DDX60: variants seen among roughly 807,000 people sequenced by gnomAD.
DDX60 encodes DExD/H-box helicase 60.
A neutral mutation model predicts 212.8 loss-of-function variants in DDX60; 165 were observed. The ratio of observed to expected loss-of-function variants is 0.78; its 90% CI spans 0.68 to 0.88. The LOEUF (loss-of-function observed/expected upper bound fraction) is 0.88. Ranked by LOEUF, DDX60 falls within the 40% of genes least tolerant of loss-of-function variation. The probability of loss-of-function intolerance (pLI) is 0.00; values close to 1 mark genes in which losing one functional copy is unlikely to be tolerated. For missense variants in DDX60, 1,905 were observed against 2,003.9 expected, an observed-to-expected ratio of 0.95 and a Z score of 0.94; for synonymous variants, 703 against 685.3, an observed-to-expected ratio of 1.03 and a Z score of -0.40.
At chr4:168,239,159 C>G (rs1733745747) in intron 30 of DDX60, among the ~76,000 whole-genome samples, 1 of 152,078 alleles carries the variant, frequency 6.6e-6, no homozygotes, top group South Asian at 2.1e-4. Flanking sequence ...ATCAGAAAAT[C>G]AGACAAACAA....
At chr4:168,238,674 T>G (rs1733729509) in intron 30 of DDX60, among the ~76,000 whole-genome samples, 1 of 152,022 alleles carries the variant, frequency 6.6e-6, no homozygotes, top group Admixed American at 6.6e-5. Context: ...ATGGCAATAG[T>G]CAGAAAACAG....
At chr4:168,246,673 T>C (rs1734034901) in intron 29 of DDX60, 55 bp from the exon 30 acceptor site, 2 of 1,574,278 alleles carry the variant, frequency 1.3e-6, no homozygotes, top group Non-Finnish European at 1.7e-6. Context: ...TCTACTGCCA[T>C]AGTGTAAGAA....
chr4:168,284,393 G>T (rs117950706), intron 12 of DDX60, among the ~76,000 whole-genome samples: 1 of 152,170 alleles, frequency 6.6e-6, no homozygotes, highest in African/African-American at 2.4e-5. Flanking sequence ...TTGATCCACT[G>T]TTAGTGGTTT....
At chr4:168,325,192 T>C in the DDX60 span, among the ~76,000 whole-genome samples, 21 of 152,364 alleles carry the variant, frequency 1.4e-4, no homozygotes, top group Non-Finnish European at 2.5e-4. Flanking sequence ...TGTTACCCAC[T>C]GTTACCATAT....
At position 168,250,918 on chromosome 4, in the gene DDX60, C is replaced by T. The variant is rs184336071; in HGVS notation, c.3858+36G>A. The T allele has an allele frequency of 7.3e-6, 11 of 1,503,850 alleles. No individual in the cohort carries two copies. The East Asian group carries it at 1.6e-4, about 22-fold the overall frequency. The allele number at this position is 1,503,850 out of a possible 1,614,324, so 93.2% of individuals were successfully genotyped here. On this transcript the variant is annotated intron_variant, in intron 28 of 37. Transcript: ENST00000393743. ...CTGAACATTCAGCTTGAAACAGTCA[C>T]AATTTCAATTTTTAGAATGAAGAAA...
At chr4:168,287,779 T>C (rs1735924609) in intron 9 of DDX60, among the ~76,000 whole-genome samples, 1 of 152,020 alleles carries the variant, frequency 6.6e-6, no homozygotes. Flanking sequence ...AAATTACATA[T>C]AAAAATATAT....
intron 14 of DDX60, among the ~76,000 whole-genome samples, chr4:168,277,910 A>G (rs1735420278): frequency 6.6e-6 from 1 of 151,954 alleles, no homozygotes; most frequent in Admixed American, 6.6e-5. Flanking sequence ...GAAATCTCGC[A>G]CCATCTCACT....
At position 168,216,801 on chromosome 4, in the gene DDX60, G is replaced by C; in HGVS notation, c.*132C>G. On this transcript the variant is annotated 3_prime_UTR_variant, in exon 38 of 38. Coordinates refer to ENST00000393743, the MANE Select transcript of DDX60 (RefSeq NM_017631.6). Reference sequence around the variant, plus strand: ...AACTCTGTTTGATTCCAAAGTGTTTGCTCTTTCCACTTCATCGTAATGTAT... The same window carrying C: ...AACTCTGTTTGATTCCAAAGTGTTTCCTCTTTCCACTTCATCGTAATGTAT... 1 of 572,832 alleles carries C rather than the reference G, an allele frequency of 1.7e-6. No homozygotes were observed. Among genetic ancestry groups the C allele is most frequent in the East Asian group, 3.3e-5 (1 of 30,576 alleles). The allele number at this position is 572,832 out of a possible 1,614,324, so 35.5% of individuals were successfully genotyped here. A position where few individuals can be genotyped will look rare whatever the true frequency, so the allele number is the denominator to read the frequency against.
chr4:168,253,408 A>G (rs1270360873), intron 26 of DDX60, among the ~76,000 whole-genome samples: 1 of 152,094 alleles, frequency 6.6e-6, no homozygotes, highest in Non-Finnish European at 1.5e-5. Context: ...TGGATGCTAC[A>G]GCTGCTTTGA....
intron 10 of DDX60, among the ~76,000 whole-genome samples, chr4:168,286,049 GAAAA>G (rs1735832028): frequency 1.6e-5 from 2 of 123,096 alleles, no homozygotes; most frequent in South Asian, 3.0e-4. Context: ...AAAGAAAAAA[GAAAA>G]AGAAAGAAAG....
At chr4:168,286,948 C>A in intron 10 of DDX60, 100 bp downstream of exon 10, 3 of 858,288 alleles carry the variant, frequency 3.5e-6, no homozygotes, top group South Asian at 2.4e-5. Context: ...ATTCAAGTGC[C>A]AGAAAATTAT....
chr4:168,311,978 CAGAA>C (rs1243537747), intron 1 of DDX60, among the ~76,000 whole-genome samples: 1 of 152,062 alleles, frequency 6.6e-6, no homozygotes, highest in Non-Finnish European at 1.5e-5. Context: ...CTTAGTAGAG[CAGAA>C]AGAAAGTTAC....
Position 168,220,676 on chromosome 4 carries a change from G to A in DDX60, c.5018C>T (p.Ala1673Val). 1 of 1,462,638 alleles carries A rather than the reference G, an allele frequency of 6.8e-7. No homozygotes were observed. The allele number at this position is 1,462,638 out of a possible 1,614,324, so 90.6% of individuals were successfully genotyped here. A position where few individuals can be genotyped will look rare whatever the true frequency, so the allele number is the denominator to read the frequency against. The change falls in exon 37 of 38, where the codon GCA (alanine) becomes GTA (valine). Residue 1673 changes from alanine to valine, a missense_variant. Coordinates refer to ENST00000393743, the MANE Select transcript of DDX60 (RefSeq NM_017631.6). ...ACACCTGATAGATTTAATGGTGAGT[G>A]CAAAATCCTTCAACAAATAATAAGC... Reference protein sequence around the residue: ...GDAYYLLKDFALTIKSISVSL... With the variant: ...GDAYYLLKDFVLTIKSISVSL...
chr4:168,296,777 G>GT (rs1490672272), intron 6 of DDX60, among the ~76,000 whole-genome samples: 1 of 151,356 alleles, frequency 6.6e-6, no homozygotes, highest in African/African-American at 2.4e-5. Flanking sequence ...TCCAAAAGTA[G>GT]TAATAATATC....
At chr4:168,293,750 G>C in intron 7 of DDX60, 37 bp downstream of exon 7, 1 of 1,515,676 alleles carries the variant, frequency 6.6e-7, no homozygotes, top group African/African-American at 1.4e-5. Context: ...AATGTGGAGA[G>C]AAATAGTATT....
intron 8 of DDX60, among the ~76,000 whole-genome samples, chr4:168,290,735 A>G (rs1173943120): frequency 6.6e-6 from 1 of 152,118 alleles, no homozygotes; most frequent in African/African-American, 2.4e-5. Flanking sequence ...GCATTCTATG[A>G]TTCCGTCTTC....
chr4:168,253,288 G>T (rs1734286759), intron 26 of DDX60, among the ~76,000 whole-genome samples: 1 of 152,130 alleles, frequency 6.6e-6, no homozygotes, highest in Admixed American at 6.5e-5. Flanking sequence ...TTGTTAAAGT[G>T]ATGATCATTT....
chr4:168,247,553 T>C (rs1156404105), intron 29 of DDX60, among the ~76,000 whole-genome samples: 1 of 152,168 alleles, frequency 6.6e-6, no homozygotes, highest in Non-Finnish European at 1.5e-5. Flanking sequence ...CGAGCAGAAA[T>C]AATTATCAAA....
upstream of DDX60, among the ~76,000 whole-genome samples, chr4:168,319,896 TAG>T (rs1319533089): frequency 1.3e-5 from 2 of 152,048 alleles, no homozygotes; most frequent in African/African-American, 2.4e-5. Context: ...TGTGAAAAAT[TAG>T]AGAGTCAAGT....
Sources: gnomAD v4.1 joint callset for allele counts (sites outside exome capture counted in the v4.1 genomes callset) on GRCh38, gnomAD v4.1.1 for gene constraint, MANE v1.5 for transcripts, NCBI Gene and HGNC (gene_info 2026-07-23, HGNC 2026-07-21) for gene names.